Variants in DKK2 observed in about 807,000 individuals in gnomAD.
The protein encoded by DKK2 is dickkopf-related protein 2.
Under a neutral mutation model 28.1 loss-of-function variants are expected in DKK2, and 11 were observed. The ratio of observed to expected loss-of-function variants is 0.39; its 90% confidence interval spans 0.25 to 0.65. The LOEUF (loss-of-function observed/expected upper bound fraction) is 0.65, where lower values mean the gene tolerates loss of function less well. Ranked by LOEUF, DKK2 falls within the 30% of genes least tolerant of loss-of-function variation. DKK2 has a pLI of 0.47. For synonymous variants in DKK2, 135 were observed against 126.5 expected (o/e 1.07, Z -0.45); for missense variants, 326 against 335.5 (o/e 0.97, Z 0.22).
At chr4:106,986,049 T>G (rs1723115276) in intron 1 of DKK2, among the ~76,000 whole-genome samples, 1 of 152,104 alleles carries the variant, frequency 6.6e-6, no homozygotes, top group South Asian at 2.1e-4. Flanking sequence ...TGCTACCTCT[T>G]GGGAAGCGTG....
intron 1 of DKK2, among the ~76,000 whole-genome samples, chr4:106,951,935 T>C (rs1414247916): frequency 6.6e-6 from 1 of 152,206 alleles, no homozygotes; most frequent in Non-Finnish European, 1.5e-5. Flanking sequence ...ATTTGCTTAT[T>C]TTGTTAAATG....
chr4:107,034,480 C>G (rs879605008), intron 1 of DKK2, among the ~76,000 whole-genome samples: 5 of 152,170 alleles, frequency 3.3e-5, no homozygotes, highest in Non-Finnish European at 7.3e-5. Flanking sequence ...GCGCGCTCGT[C>G]TCTGTGCGTG....
intron 1 of DKK2, among the ~76,000 whole-genome samples, chr4:106,942,554 T>A (rs944117181): frequency 3.9e-5 from 6 of 152,022 alleles, no homozygotes; most frequent in African/African-American, 1.2e-4. Context: ...GATATGGGGC[T>A]TCAAAAAGTG....
At position 106,981,718 on chromosome 4, in the gene DKK2, A is replaced by C. The variant is rs150917039; in HGVS notation, c.222+53652T>G. Among the ~76,000 whole-genome samples the C allele has an allele frequency of 1.9e-4, 29 of 152,246 alleles. No homozygotes were observed. The East Asian group carries it at 5.2e-3, about 27-fold the overall frequency. ...TCTTTTCAGGTTTACTGCAAAGCCC[A>C]TCTTTTTGGATGCTACTCAAGGGTG... On this transcript the variant is annotated intron_variant, in intron 1 of 3. Coordinates refer to ENST00000285311, the MANE Select transcript of DKK2 (RefSeq NM_014421.3).
At chr4:106,930,838 G>A (rs984586202) in intron 1 of DKK2, among the ~76,000 whole-genome samples, 2 of 152,156 alleles carry the variant, frequency 1.3e-5, no homozygotes, top group African/African-American at 2.4e-5. Context: ...AAGAACTGGG[G>A]ATGAGAATAT....
chr4:106,983,407 C>T (rs1723064462), intron 1 of DKK2, among the ~76,000 whole-genome samples: 1 of 149,584 alleles, frequency 6.7e-6, no homozygotes, highest in Non-Finnish European at 1.5e-5. Context: ...AAAAACTTCA[C>T]CTAAGCCAAG....
intron 1 of DKK2, among the ~76,000 whole-genome samples, chr4:106,964,960 T>TATAGATAGATAGATAG (rs754515017): frequency 1.4e-5 from 2 of 146,342 alleles, no homozygotes; most frequent in East Asian, 2.0e-4. Context: ...GATAGATAGA[T>TATAGATAGATAGATAG]ATAGATAGAT....
intron 1 of DKK2, among the ~76,000 whole-genome samples, chr4:106,981,840 TA>T (rs900239000): frequency 4.2e-4 from 64 of 152,288 alleles, no homozygotes; most frequent in African/African-American, 1.5e-3. Flanking sequence ...ATATCATACT[TA>T]TATAATATAT....
intron 1 of DKK2, among the ~76,000 whole-genome samples, chr4:106,997,553 T>G (rs1428924066): frequency 6.6e-6 from 1 of 151,548 alleles, no homozygotes; most frequent in Non-Finnish European, 1.5e-5. Flanking sequence ...ATTTCTCAAT[T>G]CCCTTAGAGT....
At chr4:106,939,773 GGAACA>G (rs1435664704) in intron 1 of DKK2, among the ~76,000 whole-genome samples, 3 of 152,124 alleles carry the variant, frequency 2.0e-5, no homozygotes, top group Non-Finnish European at 2.9e-5. Context: ...ATAGATCAAT[GGAACA>G]GAACAGAGCC....
In DKK2 at chr4:107,035,619, C is replaced by G. The variant is rs1467259900; in HGVS notation, c.-28G>C. Reference sequence around the variant, plus strand: ...CCCGGCGAGGGGGTCCCCAGGAAGACGCAAAGCCCGGAGGGGTGGGAATGC... The same window carrying G: ...CCCGGCGAGGGGGTCCCCAGGAAGAGGCAAAGCCCGGAGGGGTGGGAATGC... On this transcript the variant is annotated 5_prime_UTR_variant, in exon 1 of 4. Coordinates refer to ENST00000285311, the MANE Select transcript of DKK2 (RefSeq NM_014421.3). 7.4e-6 allele frequency: 12 copies of G among 1,611,270 alleles called. No homozygotes were observed. The Admixed American group carries it at 1.0e-4, about 13-fold the overall frequency.
In DKK2 at chr4:107,036,146, T is replaced by A. The variant is rs1319234994; in HGVS notation, c.-555A>T. The stretch of plus-strand genomic sequence containing the variant: ...GATCAGGAGACGTCCCCGGACCGAA[T>A]CCTCGAGATCTGAAGAGAATCGAGG... On this transcript the variant is annotated 5_prime_UTR_variant, in exon 1 of 4. Transcript: ENST00000285311. 21 of 153,262 alleles carry A rather than the reference T, an allele frequency of 1.4e-4. No homozygotes were observed. The highest frequency in any genetic ancestry group is 1.4e-3 in the Admixed American group (21 of 15,400). The allele number at this position is 153,262 out of a possible 1,614,324, so 9.5% of individuals were successfully genotyped here.
chr4:106,992,137 A>T (rs1253431994), intron 1 of DKK2, among the ~76,000 whole-genome samples: 1 of 152,192 alleles, frequency 6.6e-6, no homozygotes, highest in Non-Finnish European at 1.5e-5. Context: ...GAACAGATTT[A>T]TCCTATCATT....
At chr4:106,934,775 G>T (rs1007606498) in intron 1 of DKK2, among the ~76,000 whole-genome samples, 17 of 152,172 alleles carry the variant, frequency 1.1e-4, no homozygotes, top group Admixed American at 3.9e-4. Flanking sequence ...TCATGGTTGG[G>T]AAGATAGAAA....
At chr4:106,938,430 A>C (rs774128616) in intron 1 of DKK2, among the ~76,000 whole-genome samples, 11 of 152,202 alleles carry the variant, frequency 7.2e-5, no homozygotes, top group African/African-American at 2.7e-4. Context: ...AAGAAGTTGA[A>C]TCTCTGAATA....
chr4:106,928,329 T>G (rs1190767407), intron 1 of DKK2, among the ~76,000 whole-genome samples: 1 of 152,066 alleles, frequency 6.6e-6, no homozygotes, highest in Non-Finnish European at 1.5e-5. Context: ...TTAATTAACT[T>G]GAAGTAAAAA....
intron 1 of DKK2, among the ~76,000 whole-genome samples, chr4:106,967,459 G>A (rs1208386266): frequency 1.3e-5 from 2 of 152,122 alleles, no homozygotes; most frequent in Non-Finnish European, 2.9e-5. Flanking sequence ...TGTGGCTGGA[G>A]AAAGCCTGGG....
intron 1 of DKK2, among the ~76,000 whole-genome samples, chr4:106,968,208 A>T (rs1459518548): frequency 6.6e-6 from 1 of 152,004 alleles, no homozygotes; most frequent in Non-Finnish European, 1.5e-5. Flanking sequence ...GAAAAAGGGG[A>T]GAAGGAAGGA....
chr4:107,019,844 AT>A (rs1399067489), intron 1 of DKK2, among the ~76,000 whole-genome samples: 2 of 152,026 alleles, frequency 1.3e-5, no homozygotes, highest in African/African-American at 4.8e-5. Context: ...TGAGTATACA[AT>A]TCTTAATTCC....
Sources: allele counts gnomAD v4.1 joint callset (sites outside exome capture counted in the v4.1 genomes callset), GRCh38; gene constraint gnomAD v4.1.1; transcripts MANE v1.5; gene names NCBI Gene and HGNC (gene_info 2026-07-23, HGNC 2026-07-21).